Variants in GALNTL6 observed in about 807,000 individuals in gnomAD.
GALNTL6 encodes the protein polypeptide N-acetylgalactosaminyltransferase-like 6.
A neutral mutation model predicts 73.7 loss-of-function variants in GALNTL6; 46 were observed. The observed-to-expected ratio is 0.62, with a 90% CI of 0.49 to 0.80. GALNTL6 has a LOEUF of 0.80. Among genes scored for constraint, GALNTL6 ranks in the 30% least tolerant of loss-of-function variants. The pLI is 0.00. For missense variants in GALNTL6, 604 were observed against 755.0 expected (o/e 0.80, Z 2.34); for synonymous variants, 259 against 263.7 (o/e 0.98, Z 0.17).
intron 2 of GALNTL6, among the ~76,000 whole-genome samples, chr4:171,964,621 C>A (rs1016546809): frequency 2.0e-4 from 30 of 152,164 alleles, no homozygotes; most frequent in African/African-American, 6.8e-4. Context: ...TATTGTCTAT[C>A]ATATGATTAT....
Position 173,039,957 on chromosome 4 carries a change from A to G in GALNTL6, c.1663A>G (p.Ser555Gly). The G allele has an allele frequency of 1.9e-6, 3 of 1,613,858 alleles. No homozygotes were observed. The highest frequency in any genetic ancestry group is 2.5e-6 in the Non-Finnish European group (3 of 1,179,882). ...GGACAGAACATTATTCCATCCTGTG[A>G]GCAACAGCTGCATGGATTGCAACCC... ...RKDRTLFHPV[S>G]NSCMDCNPAE... The change falls in exon 13 of 13, where the codon AGC becomes GGC. Residue 555 changes from serine to glycine, a missense_variant. By Grantham distance (56) the Ser-to-Gly change is moderately conservative. Transcript: ENST00000506823.
chr4:172,119,054 G>A (rs1325729478), intron 2 of GALNTL6, among the ~76,000 whole-genome samples: 4 of 151,702 alleles, frequency 2.6e-5, no homozygotes, highest in Admixed American at 6.6e-5. Context: ...AATAAAAATC[G>A]TGTTATGAAA....
At chr4:173,015,015 G>C (rs1752718612) in intron 11 of GALNTL6, among the ~76,000 whole-genome samples, 1 of 152,136 alleles carries the variant, frequency 6.6e-6, no homozygotes, top group South Asian at 2.1e-4. Flanking sequence ...TAGTGACTGA[G>C]TTCTCATAAG....
At chr4:172,865,107 A>G (rs1744596085) in intron 7 of GALNTL6, among the ~76,000 whole-genome samples, 1 of 152,230 alleles carries the variant, frequency 6.6e-6, no homozygotes, top group Non-Finnish European at 1.5e-5. Context: ...CCAAGGGAAC[A>G]TTTCCAAGCA....
chr4:173,034,307 C>A (rs1032146998), intron 12 of GALNTL6, among the ~76,000 whole-genome samples: 1 of 152,182 alleles, frequency 6.6e-6, no homozygotes, highest in African/African-American at 2.4e-5. Flanking sequence ...TAACTATAGA[C>A]CCTGTGACTC....
chr4:172,624,741 A>G (rs1208564278), intron 5 of GALNTL6, among the ~76,000 whole-genome samples: 1 of 151,882 alleles, frequency 6.6e-6, no homozygotes, highest in Non-Finnish European at 1.5e-5. Context: ...GTCTGTATTC[A>G]TCACCTTGTT....
chr4:172,659,801 G>A (rs915470892), intron 5 of GALNTL6, among the ~76,000 whole-genome samples: 33 of 152,268 alleles, frequency 2.2e-4, no homozygotes, highest in African/African-American at 7.7e-4. Context: ...GGCCTTAGTA[G>A]CAGAGCTGAG....
chr4:173,021,402 T>C (rs1752984143), intron 11 of GALNTL6, 74 bp from the exon 12 acceptor site: 24 of 1,470,006 alleles, frequency 1.6e-5, no homozygotes, highest in Non-Finnish European at 2.2e-5. Flanking sequence ...CTAAAAGACA[T>C]ACCTTCCCCC....
In GALNTL6 at chr4:172,229,661, T is replaced by C. The variant is rs763455744; in HGVS notation, c.144T>C (p.Phe48=). 3.1e-6 allele frequency: 5 copies of C among 1,608,744 alleles called. No homozygotes were observed. Among genetic ancestry groups the C allele is most frequent in the Non-Finnish European group, 4.3e-6 (5 of 1,175,408 alleles). The change falls in exon 3 of 13, where the codon TTT becomes TTC. Residue 48 remains phenylalanine (F), a synonymous_variant. Coordinates refer to ENST00000506823, the MANE Select transcript of GALNTL6 (RefSeq NM_001034845.3). ...AATACTTTCCTTTTCCACAGACATTTCCACTGGGCCTGGGAGATGGGCAAT... is the reference window on the plus strand; with the variant it reads ...AATACTTTCCTTTTCCACAGACATTCCCACTGGGCCTGGGAGATGGGCAAT... ...KSAEPGEQQT[F]PLGLGDGQFY...
chr4:172,894,809 A>G (rs1222914125), intron 8 of GALNTL6, among the ~76,000 whole-genome samples: 1 of 152,034 alleles, frequency 6.6e-6, no homozygotes, highest in Non-Finnish European at 1.5e-5. Flanking sequence ...ATTGCATTCT[A>G]TCTGTCCCTT....
rs1388870947 is a variant in GALNTL6 at position 171,824,454 on chromosome 4, T to C, written c.138+9736T>C. Among the ~76,000 whole-genome samples the C allele has an allele frequency of 2.0e-5, 3 of 152,052 alleles. 1 individual carries two copies. The South Asian group carries it at 6.2e-4, about 31-fold the overall frequency. ...CTAAAAAGAGTATAAAAAGAGTGTC[T>C]AATGGATTTAGATGGTGTAAGGCTT... On this transcript the variant is annotated intron_variant, in intron 2 of 12. Transcript: ENST00000506823.
At chr4:172,684,052 C>G (rs981638870) in intron 5 of GALNTL6, among the ~76,000 whole-genome samples, 1 of 152,176 alleles carries the variant, frequency 6.6e-6, no homozygotes, top group Non-Finnish European at 1.5e-5. Context: ...AAGGATAGAT[C>G]GCTGTCCATT....
intron 5 of GALNTL6, among the ~76,000 whole-genome samples, chr4:172,455,958 G>A (rs1732384461): frequency 6.6e-6 from 1 of 152,132 alleles, no homozygotes; most frequent in South Asian, 2.1e-4. Context: ...GCTCCAGCTG[G>A]CATCTGACGG....
At chr4:172,950,258 T>C (rs71607901) in intron 9 of GALNTL6, among the ~76,000 whole-genome samples, 7,578 of 152,258 alleles carry the variant, frequency 0.05, 289 homozygotes, top group Non-Finnish European at 0.078. Flanking sequence ...GAAAGCGTTA[T>C]GGGCCAGGCA....
chr4:172,165,989 T>A (rs545584101), intron 2 of GALNTL6, among the ~76,000 whole-genome samples: 50 of 152,238 alleles, frequency 3.3e-4, no homozygotes, highest in African/African-American at 1.1e-3. Context: ...ATAAATTCTG[T>A]TAAAAATTCA....
chr4:172,839,640 A>G (rs1037889107), intron 7 of GALNTL6, among the ~76,000 whole-genome samples: 1 of 152,236 alleles, frequency 6.6e-6, no homozygotes, highest in African/African-American at 2.4e-5. Flanking sequence ...AGGTCTTTCT[A>G]CAATACAGAA....
chr4:172,606,030 G>C (rs1284285936), intron 5 of GALNTL6, among the ~76,000 whole-genome samples: 1 of 151,964 alleles, frequency 6.6e-6, no homozygotes, highest in Non-Finnish European at 1.5e-5. Flanking sequence ...TCCATTGTGG[G>C]CAGTCCTAGC....
intron 5 of GALNTL6, among the ~76,000 whole-genome samples, chr4:172,726,291 C>T (rs768475657): frequency 7.2e-5 from 11 of 152,194 alleles, no homozygotes; most frequent in Non-Finnish European, 1.5e-4. Flanking sequence ...CTAAAGCAAA[C>T]ATCATTTGCA....
chr4:172,566,838 A>C (rs1389043969), intron 5 of GALNTL6, among the ~76,000 whole-genome samples: 2 of 152,098 alleles, frequency 1.3e-5, no homozygotes, highest in Non-Finnish European at 2.9e-5. Flanking sequence ...AGGTACTGCA[A>C]CTGACGCCAC....
Sources: gnomAD v4.1 joint callset for allele counts (sites outside exome capture counted in the v4.1 genomes callset) on GRCh38, gnomAD v4.1.1 for gene constraint, MANE v1.5 for transcripts, NCBI Gene and HGNC (gene_info 2026-07-23, HGNC 2026-07-21) for gene names.